The following NRG3 variants were observed in gnomAD, a reference collection of about 807,000 sequenced individuals.
NRG3 encodes neuregulin 3.
NRG3 carries 31 observed loss-of-function variants against 66.9 expected under a neutral mutation model. The observed-to-expected ratio is 0.46, with a 90% CI of 0.35 to 0.63. The LOEUF is 0.63. NRG3 is among the 20% of genes least tolerant of loss of function. NRG3 has a pLI of 0.00. For synonymous variants in NRG3, 393 were observed against 359.4 expected, an observed-to-expected ratio of 1.09 and a Z score of -1.06; for missense variants, 910 against 878.9, an observed-to-expected ratio of 1.04 and a Z score of -0.45.
chr10:82,965,551 C>T (rs1399101621), intron 6 of NRG3, among the ~76,000 whole-genome samples: 1 of 152,116 alleles, frequency 6.6e-6, no homozygotes, highest in East Asian at 1.9e-4. Flanking sequence ...GCCTGCCCAA[C>T]ATGGTGAAAC....
intron 1 of NRG3, among the ~76,000 whole-genome samples, chr10:81,999,796 G>A (rs1253405865): frequency 6.6e-6 from 1 of 152,142 alleles, no homozygotes; most frequent in African/African-American, 2.4e-5. Context: ...TATGTATATT[G>A]TTAATTTATT....
chr10:82,858,868 C>T (rs1049877517), intron 3 of NRG3, among the ~76,000 whole-genome samples: 4 of 151,848 alleles, frequency 2.6e-5, no homozygotes, highest in Non-Finnish European at 5.9e-5. Context: ...CCCATGGACT[C>T]TCCACATACC....
In NRG3 at chr10:81,958,408, A is replaced by G. The variant is rs139428973; in HGVS notation, c.823+82245A>G. On this transcript the variant is annotated intron_variant, in intron 1 of 8. Transcript: ENST00000372141. ...GAGTTATATTGTAATACTGAAAAAT[A>G]TTGAGGAAAACATGAAATTCTCCTC... Among the ~76,000 whole-genome samples, 256 of 152,328 alleles carry G rather than the reference A, an allele frequency of 1.7e-3. 2 individuals are homozygous for G. Among genetic ancestry groups the G allele is most frequent in the East Asian group, 6.4e-3 (33 of 5,178 alleles).
At chr10:82,030,722 C>T (rs2062530827) in intron 1 of NRG3, among the ~76,000 whole-genome samples, 1 of 148,468 alleles carries the variant, frequency 6.7e-6, no homozygotes, top group Non-Finnish European at 1.5e-5. Context: ...GGGACCTCCA[C>T]TGTCAAGTTG....
intron 2 of NRG3, among the ~76,000 whole-genome samples, chr10:82,410,000 G>A (rs2087930097): frequency 6.6e-6 from 1 of 152,172 alleles, no homozygotes. Context: ...GAGGGTAGCT[G>A]AGCCTGCATG....
At chr10:82,600,166 ATTT>A (rs908770010) in intron 2 of NRG3, among the ~76,000 whole-genome samples, 5 of 152,072 alleles carry the variant, frequency 3.3e-5, no homozygotes, top group African/African-American at 1.2e-4. Flanking sequence ...GGCTTGTCTT[ATTT>A]TTAAGTGCCT....
intron 2 of NRG3, among the ~76,000 whole-genome samples, chr10:82,710,586 CA>C (rs59857324): frequency 0.059 from 4,306 of 73,540 alleles, 46 homozygotes; most frequent in African/African-American, 0.18. Flanking sequence ...GACTCCATCT[CA>C]AAAAAAAAAA....
chr10:82,472,929 T>C (rs960311333), intron 2 of NRG3, among the ~76,000 whole-genome samples: 2 of 152,246 alleles, frequency 1.3e-5, no homozygotes, highest in African/African-American at 2.4e-5. Context: ...ATACCCACTC[T>C]TCACTAAGGG....
intron 3 of NRG3, among the ~76,000 whole-genome samples, chr10:82,781,238 A>T (rs542256366): frequency 6.6e-6 from 1 of 152,322 alleles, no homozygotes; most frequent in Non-Finnish European, 1.5e-5. Context: ...GAGGAGAGGA[A>T]CAAGGAATGA....
intron 1 of NRG3, among the ~76,000 whole-genome samples, chr10:82,150,504 G>A (rs1453730988): frequency 1.0e-5 from 1 of 99,690 alleles, no homozygotes; most frequent in African/African-American, 3.9e-5. Context: ...AAACCTTGCT[G>A]ATTAACAAAG....
Position 82,198,235 on chromosome 10 carries a change from C to T in NRG3, c.824-160504C>T, listed in dbSNP as rs768529364. On this transcript the variant is annotated intron_variant, in intron 1 of 8. Transcript: ENST00000372141. ...CTTTTATGGTTTTTCAGATTCCAAA[C>T]GGAAGAAAAAGATATATAAACACTA... Among the ~76,000 whole-genome samples the T allele has an allele frequency of 2.6e-4, 40 of 152,120 alleles. No homozygotes were observed. The East Asian group carries it at 3.1e-3, about 12-fold the overall frequency.
chr10:82,911,122 C>G (rs772538539), intron 4 of NRG3, among the ~76,000 whole-genome samples: 1 of 152,118 alleles, frequency 6.6e-6, no homozygotes, highest in South Asian at 2.1e-4. Flanking sequence ...TATGTATGCA[C>G]GATCTTTGCA....
chr10:81,982,546 A>C (rs886969736), intron 1 of NRG3, among the ~76,000 whole-genome samples: 1 of 152,198 alleles, frequency 6.6e-6, no homozygotes, highest in Non-Finnish European at 1.5e-5. Flanking sequence ...AGACAACAAA[A>C]ATGTATTTTC....
intron 2 of NRG3, among the ~76,000 whole-genome samples, chr10:82,498,006 C>T (rs1266383200): frequency 1.3e-5 from 2 of 151,578 alleles, no homozygotes; most frequent in Non-Finnish European, 2.9e-5. Flanking sequence ...ACATCTTTTC[C>T]TATATCTGTT....
intron 3 of NRG3, among the ~76,000 whole-genome samples, chr10:82,816,441 CA>C (rs1276815594): frequency 5.9e-5 from 9 of 152,204 alleles, no homozygotes; most frequent in African/African-American, 1.9e-4. Flanking sequence ...CTACTTTTCA[CA>C]GACAGGTTGT....
At chr10:81,898,063 CAT>C (rs1201836611) in intron 1 of NRG3, among the ~76,000 whole-genome samples, 1 of 152,136 alleles carries the variant, frequency 6.6e-6, no homozygotes, top group Non-Finnish European at 1.5e-5. Context: ...GTTATTCTAA[CAT>C]GTGGCCAGGG....
At chr10:82,477,211 C>T (rs1425055264) in intron 2 of NRG3, among the ~76,000 whole-genome samples, 1 of 152,130 alleles carries the variant, frequency 6.6e-6, no homozygotes, top group Non-Finnish European at 1.5e-5. Context: ...GAACAAGAAC[C>T]TCAACTGTGA....
chr10:82,726,338 C>T (rs2134582477), intron 2 of NRG3, among the ~76,000 whole-genome samples: 1 of 152,248 alleles, frequency 6.6e-6, no homozygotes, highest in South Asian at 2.1e-4. Context: ...TGTCCCCACC[C>T]AAATCTTATC....
chr10:82,960,889 C>G (rs1472512305), intron 6 of NRG3, among the ~76,000 whole-genome samples: 1 of 152,114 alleles, frequency 6.6e-6, no homozygotes, highest in Non-Finnish European at 1.5e-5. Context: ...GGCCCCACCC[C>G]TATCTCCCTT....
Sources: gnomAD v4.1 joint callset for allele counts (sites outside exome capture counted in the v4.1 genomes callset) on GRCh38, gnomAD v4.1.1 for gene constraint, MANE v1.5 for transcripts, NCBI Gene and HGNC (gene_info 2026-07-23, HGNC 2026-07-21) for gene names.